The following BORA variants were observed in gnomAD, a reference collection of about 807,000 sequenced individuals.
BORA encodes the protein protein aurora borealis.
A neutral mutation model predicts 55.8 loss-of-function variants in BORA; 26 were observed. The observed-to-expected ratio is 0.47, with a 90% CI of 0.34 to 0.65. The LOEUF is 0.65. Among genes scored for constraint, BORA ranks in the 30% least tolerant of loss-of-function variants. The pLI, the probability that BORA is intolerant of heterozygous loss-of-function variation, is 0.01. For missense variants in BORA, 568 were observed against 671.5 expected, an observed-to-expected ratio of 0.85 and a Z score of 1.70; for synonymous variants, 201 against 216.9, an observed-to-expected ratio of 0.93 and a Z score of 0.64.
At chr13:72,753,630 A>T (rs2033343144) in intron 10 of BORA, 60 bp from the exon 11 acceptor site, 1 of 1,516,564 alleles carries the variant, frequency 6.6e-7, no homozygotes, top group Non-Finnish European at 9.0e-7. Flanking sequence ...TGGTTTACTT[A>T]TTTAAATATT....
intron 4 of BORA, among the ~76,000 whole-genome samples, chr13:72,736,315 A>T (rs1423410045): frequency 6.6e-6 from 1 of 152,166 alleles, no homozygotes; most frequent in Non-Finnish European, 1.5e-5. Flanking sequence ...TAGTAAAAAC[A>T]AAAAGAAAAA....
At chr13:72,730,078 A>G (rs1032798242) in intron 2 of BORA, among the ~76,000 whole-genome samples, 3 of 151,952 alleles carry the variant, frequency 2.0e-5, no homozygotes, top group Non-Finnish European at 4.4e-5. Context: ...TACAGGCATG[A>G]GCCACCATGC....
intron 10 of BORA, among the ~76,000 whole-genome samples, chr13:72,751,016 A>C (rs2033260994): frequency 6.6e-6 from 1 of 152,198 alleles, no homozygotes; most frequent in South Asian, 2.1e-4. Flanking sequence ...TTTATAGCCC[A>C]GCTCTGTTAG....
chr13:72,744,907 A>C, intron 7 of BORA, 74 bp from the exon 8 acceptor site: 2 of 1,407,796 alleles, frequency 1.4e-6, no homozygotes, highest in Non-Finnish European at 2.0e-6. Context: ...CTGGCTTCTT[A>C]AAAGTTGAGT....
chr13:72,749,193 G>A (rs939267709), intron 10 of BORA, among the ~76,000 whole-genome samples: 3 of 152,162 alleles, frequency 2.0e-5, no homozygotes, highest in Non-Finnish European at 2.9e-5. Flanking sequence ...AGAGTTTGAA[G>A]GCATTGCTTC....
intron 10 of BORA, among the ~76,000 whole-genome samples, chr13:72,750,326 C>T (rs564554271): frequency 6.6e-6 from 1 of 152,228 alleles, no homozygotes; most frequent in South Asian, 2.1e-4. Flanking sequence ...TGAACAGCCT[C>T]AAGGTGAATG....
chr13:72,745,223 A>T lies in BORA; in HGVS notation c.738+16A>T, dbSNP rs2138086005. 1 of 1,598,556 alleles carries T rather than the reference A, an allele frequency of 6.3e-7. No homozygotes were observed. Among genetic ancestry groups the T allele is most frequent in the Non-Finnish European group, 8.6e-7 (1 of 1,166,840 alleles). ...ACCAAGTTCGGTGAGAAGTATACTAAAAAGCAGTTGGCTAATATGCTGTCA... is the reference window on the plus strand; with the variant it reads ...ACCAAGTTCGGTGAGAAGTATACTATAAAGCAGTTGGCTAATATGCTGTCA... On this transcript the variant is annotated intron_variant, in intron 8 of 11. Coordinates refer to ENST00000390667, the MANE Select transcript of BORA (RefSeq NM_024808.5).
intron 5 of BORA, among the ~76,000 whole-genome samples, chr13:72,738,496 C>A (rs781327409): frequency 2.0e-4 from 31 of 152,062 alleles, no homozygotes; most frequent in Non-Finnish European, 3.5e-4. Context: ...TGCTGAGTAT[C>A]TGCAAAATTA....
At chr13:72,734,710 A>G (rs892539453) in intron 3 of BORA, among the ~76,000 whole-genome samples, 3 of 152,338 alleles carry the variant, frequency 2.0e-5, no homozygotes, top group East Asian at 1.9e-4. Context: ...GTCTTTTGAA[A>G]TAAAGTATCA....
chr13:72,742,767 TAC>T lies in BORA; in HGVS notation c.389-726_389-725del, dbSNP rs67866253. Among the ~76,000 whole-genome samples, 518 of 141,718 alleles carry T rather than the reference TAC, an allele frequency of 3.7e-3. 5 individuals are homozygous for T. The highest frequency in any genetic ancestry group is 0.013 in the African/African-American group (485 of 37,816). 93.0% of individuals were successfully genotyped at this position (141,718 alleles called of 152,430 possible). A position where few individuals can be genotyped will look rare whatever the true frequency, so the allele number is the denominator to read the frequency against. On this transcript the variant is annotated intron_variant, in intron 5 of 11. Transcript: ENST00000390667. ...TTTTAAAATGTGATATATATATATA[TAC>T]ACACACACACACACACACACACACA...
intron 11 of BORA, chr13:72,754,824 T>C (rs2033401785): frequency 9.3e-6 from 2 of 213,926 alleles, no homozygotes; most frequent in Non-Finnish European, 1.9e-5. Flanking sequence ...CAAGCAGTCT[T>C]ACCACCTCAG....
At chr13:72,749,057 ATACAT>A (rs1229784618) in intron 10 of BORA, among the ~76,000 whole-genome samples, 2 of 152,164 alleles carry the variant, frequency 1.3e-5, no homozygotes, top group Admixed American at 6.5e-5. Flanking sequence ...AAAATGTTTC[ATACAT>A]TACATTTCTG....
chr13:72,750,345 G>A (rs909469114), intron 10 of BORA, among the ~76,000 whole-genome samples: 1 of 152,210 alleles, frequency 6.6e-6, no homozygotes, highest in Non-Finnish European at 1.5e-5. Flanking sequence ...TGGAAGGAAG[G>A]TTAAAGAAGA....
chr13:72,751,297 C>T (rs2033267871), intron 10 of BORA, among the ~76,000 whole-genome samples: 1 of 152,176 alleles, frequency 6.6e-6, no homozygotes. Flanking sequence ...GATACCTGTA[C>T]TCCAGTGTTT....
At position 72,743,597 on chromosome 13, in the gene BORA, G is replaced by A. The variant is rs2033080703; in HGVS notation, c.449G>A (p.Ser150Asn). 1 of 1,600,466 alleles carries A rather than the reference G, an allele frequency of 6.2e-7. No individual in the cohort carries two copies. Among genetic ancestry groups the A allele is most frequent in the African/African-American group, 1.5e-5 (1 of 67,502 alleles). Residue 150 changes from serine (S) to asparagine (N), a missense_variant, in exon 6 of 12, where the codon AGC (serine) becomes AAC (asparagine). Transcript: ENST00000390667. ...AAGCTGACCATTCATTCTGAGAAAAGCGATGGTGAGTATGAACACAATTTG... is the reference window on the plus strand; with the variant it reads ...AAGCTGACCATTCATTCTGAGAAAAACGATGGTGAGTATGAACACAATTTG... ...GKKLTIHSEKSDAACQTLLSL... is the reference protein window; with the variant it reads ...GKKLTIHSEKNDAACQTLLSL...
Position 72,755,148 on chromosome 13 carries a change from C to T in BORA, c.1615-3C>T. 1 of 1,613,500 alleles carries T rather than the reference C, an allele frequency of 6.2e-7. No individual in the cohort carries two copies. The highest frequency in any genetic ancestry group is 1.1e-5 in the South Asian group (1 of 91,060). Reference sequence around the variant, plus strand: ...AAACAAGGTATTGTCTTCTTTTTCACAGCAAGACCACACAACACAGAGGTG... The same window carrying T: ...AAACAAGGTATTGTCTTCTTTTTCATAGCAAGACCACACAACACAGAGGTG... On this transcript the variant is annotated splice_region_variant and splice_polypyrimidine_tract_variant and intron_variant, in intron 11 of 11. Coordinates refer to ENST00000390667, the MANE Select transcript of BORA (RefSeq NM_024808.5).
intron 2 of BORA, among the ~76,000 whole-genome samples, chr13:72,730,642 T>C (rs2032791245): frequency 6.6e-6 from 1 of 152,226 alleles, no homozygotes; most frequent in African/African-American, 2.4e-5. Context: ...TTTTTACTTT[T>C]ACATGGGCTT....
intron 4 of BORA, among the ~76,000 whole-genome samples, chr13:72,737,369 C>A (rs1294421683): frequency 1.3e-5 from 2 of 152,080 alleles, no homozygotes; most frequent in Non-Finnish European, 2.9e-5. Context: ...GGAATTCCAC[C>A]ATACAGATAC....
intron 10 of BORA, among the ~76,000 whole-genome samples, chr13:72,747,823 G>A (rs2033182938): frequency 6.6e-6 from 1 of 152,064 alleles, no homozygotes; most frequent in Admixed American, 6.5e-5. Context: ...ATGAGCCACC[G>A]CGCCTGGCCT....
Sources: gnomAD v4.1 joint callset for allele counts (sites outside exome capture counted in the v4.1 genomes callset) on GRCh38, gnomAD v4.1.1 for gene constraint, MANE v1.5 for transcripts, NCBI Gene and HGNC (gene_info 2026-07-23, HGNC 2026-07-21) for gene names.